The following SOD2 variants were observed in gnomAD, a reference collection of about 807,000 sequenced individuals.
SOD2 encodes superoxide dismutase 2.
A neutral mutation model predicts 27.0 loss-of-function variants in SOD2; 11 were observed. That is an observed-to-expected ratio of 0.41 (90% CI 0.26 to 0.67). The LOEUF is 0.67. Ranked by LOEUF, SOD2 falls within the 30% of genes least tolerant of loss-of-function variation. The pLI, the probability that SOD2 is intolerant of heterozygous loss-of-function variation, is 0.34. For missense variants in SOD2, 250 were observed against 274.5 expected (o/e 0.91, Z 0.63); for synonymous variants, 105 against 103.0 (o/e 1.02, Z -0.12).
upstream of SOD2, among the ~76,000 whole-genome samples, chr6:159,729,099 A>G (rs1016717847): frequency 2.6e-4 from 40 of 152,222 alleles, no homozygotes; most frequent in Non-Finnish European, 5.6e-4. Context: ...AAGCCCTGTG[A>G]TGTGGAGATG....
chr6:159,733,579 A>C (rs1778720933), intron 1 of SOD2, among the ~76,000 whole-genome samples: 1 of 150,968 alleles, frequency 6.6e-6, no homozygotes, highest in South Asian at 2.1e-4. Context: ...CCATCATCGC[A>C]CCACTGCACT....
upstream of SOD2, chr6:159,727,585 C>G (rs1324646425): frequency 5.1e-6 from 5 of 986,692 alleles, no homozygotes; most frequent in Non-Finnish European, 6.0e-6. Flanking sequence ...AGGAGCGCGG[C>G]GGGGCCGGCG....
upstream of SOD2, among the ~76,000 whole-genome samples, chr6:159,745,689 G>A (rs549109681): frequency 6.6e-6 from 1 of 152,284 alleles, no homozygotes; most frequent in Admixed American, 6.5e-5. Flanking sequence ...AGCAAGAGAT[G>A]TATGTGATGG....
rs1313600146 is a variant in SOD2 at position 159,672,566 on chromosome 6, C to G, written c.*9927G>C. The G allele has an allele frequency of 5.3e-5, 8 of 152,300 alleles. No individual in the cohort carries two copies. The East Asian group carries it at 9.6e-4, about 18-fold the overall frequency. The allele number at this position is 152,300 out of a possible 1,614,324, so 9.4% of individuals were successfully genotyped here. Reference sequence around the variant, plus strand: ...CTGAGAGATTTTGTCACCACCAGGCCTGCCTTACAAGAGCTCCTGAAGGAA... The same window carrying G: ...CTGAGAGATTTTGTCACCACCAGGCGTGCCTTACAAGAGCTCCTGAAGGAA... On this transcript the variant is annotated 3_prime_UTR_variant, in exon 5 of 5. Transcript: ENST00000538183.
At chr6:159,756,405 T>A (rs1368625860) in intron 1 of SOD2, 1 of 152,454 alleles carries the variant, frequency 6.6e-6, no homozygotes, top group Non-Finnish European at 1.5e-5. Context: ...ATCCTTCAAG[T>A]ACCACAACAG....
At chr6:159,740,226 G>A (rs942228152) in intron 1 of SOD2, among the ~76,000 whole-genome samples, 1 of 151,880 alleles carries the variant, frequency 6.6e-6, no homozygotes, top group African/African-American at 2.4e-5. Context: ...AGTCTGTGCA[G>A]TCATTTTTTT....
intron 1 of SOD2, chr6:159,713,431 G>C: frequency 3.1e-6 from 2 of 649,860 alleles, no homozygotes. Context: ...ATGAACTTCA[G>C]CTTGGCTATT....
intron 1 of SOD2, among the ~76,000 whole-genome samples, chr6:159,706,874 C>G (rs1445701576): frequency 6.6e-6 from 1 of 152,178 alleles, no homozygotes; most frequent in East Asian, 1.9e-4. Flanking sequence ...GGAAGTAAAG[C>G]ACTCCTCAGC....
intron 1 of SOD2, among the ~76,000 whole-genome samples, chr6:159,704,741 C>A (rs1253923282): frequency 6.6e-6 from 1 of 152,234 alleles, no homozygotes; most frequent in South Asian, 2.1e-4. Flanking sequence ...CCTCTGCAGA[C>A]TTAAATGTCC....
chr6:159,757,038 ATAT>A (rs758545238), intron 1 of SOD2, among the ~76,000 whole-genome samples: 6 of 152,202 alleles, frequency 3.9e-5, no homozygotes, highest in South Asian at 2.1e-4. Context: ...ATATCTGGTA[ATAT>A]TATATGAGTA....
chr6:159,715,396 T>C (rs545167979), intron 1 of SOD2, among the ~76,000 whole-genome samples: 3 of 152,250 alleles, frequency 2.0e-5, no homozygotes, highest in South Asian at 4.1e-4. Context: ...GGCAGAAGAA[T>C]GGATTTACAG....
Position 159,669,957 on chromosome 6 carries a change from T to C in SOD2, c.*12536A>G, listed in dbSNP as rs1183791047. The C allele has an allele frequency of 6.6e-6, 1 of 152,224 alleles. No homozygotes were observed. Among genetic ancestry groups the C allele is most frequent in the Non-Finnish European group, 1.5e-5 (1 of 68,040 alleles). 9.4% of individuals were successfully genotyped at this position (152,224 alleles called of 1,614,324 possible). A position where few individuals can be genotyped will look rare whatever the true frequency, so the allele number is the denominator to read the frequency against. On this transcript the variant is annotated 3_prime_UTR_variant, in exon 5 of 5. Coordinates refer to ENST00000538183, the MANE Select transcript of SOD2 (RefSeq NM_000636.4). The stretch of plus-strand genomic sequence containing the variant: ...TTTAATCCATTTACATTCAAAGTTA[T>C]CATCAATAGAGGTGCAGACTTTTTA...
intron 1 of SOD2, among the ~76,000 whole-genome samples, chr6:159,710,829 T>A (rs928676594): frequency 1.4e-5 from 2 of 146,242 alleles, no homozygotes; most frequent in African/African-American, 5.1e-5. Flanking sequence ...ACCACTCACA[T>A]TGCTCTGATC....
At chr6:159,703,281 T>C (rs1464438119) in intron 1 of SOD2, among the ~76,000 whole-genome samples, 6 of 152,212 alleles carry the variant, frequency 3.9e-5, no homozygotes, top group African/African-American at 1.2e-4. Flanking sequence ...GCCATTGCAC[T>C]CCAGCCTGGG....
At position 159,676,738 on chromosome 6, in the gene SOD2, G is replaced by A. The variant is rs1779789509; in HGVS notation, c.*5755C>T. 1 of 152,080 alleles carries A rather than the reference G, an allele frequency of 6.6e-6. No homozygotes were observed. The allele number at this position is 152,080 out of a possible 1,614,324, so 9.4% of individuals were successfully genotyped here. On this transcript the variant is annotated 3_prime_UTR_variant, in exon 5 of 5. Transcript: ENST00000538183. The stretch of plus-strand genomic sequence containing the variant: ...GTACACATGTACCCTAGAACTTAAA[G>A]TATAATTTAAAAATAAATAAGTAAA...
chr6:159,740,221 G>T (rs1414340013), intron 1 of SOD2, among the ~76,000 whole-genome samples: 5 of 151,828 alleles, frequency 3.3e-5, no homozygotes, highest in Admixed American at 3.3e-4. Context: ...TGGTTAGTCT[G>T]TGCAGTCATT....
chr6:159,708,424 C>G (rs1777668442), intron 1 of SOD2, among the ~76,000 whole-genome samples: 1 of 152,214 alleles, frequency 6.6e-6, no homozygotes, highest in Admixed American at 6.5e-5. Flanking sequence ...GGCAAAGTCT[C>G]AGGATACAAA....
At position 159,692,710 on chromosome 6, in the gene SOD2, C is replaced by T. The variant is rs749865952; in HGVS notation, c.177G>A (p.Val59=). The change falls in exon 2 of 5, where the codon GTG becomes GTA. Residue 59 remains valine (V), a synonymous_variant. Coordinates refer to ENST00000538183, the MANE Select transcript of SOD2 (RefSeq NM_000636.4). ...TCTCCTCGGTGACGTTCAGGTTGTT[C>T]ACGTAGGCCGCGTGGTGCTTGCTGT... ...LHHSKHHAAY[V]NNLNVTEEKY... The T allele has an allele frequency of 2.5e-6, 4 of 1,614,010 alleles. No homozygotes were observed. The African/African-American group carries it at 4.0e-5, about 16-fold the overall frequency.
intron 1 of SOD2, chr6:159,726,750 C>G: frequency 2.3e-6 from 3 of 1,282,506 alleles, no homozygotes; most frequent in Non-Finnish European, 3.0e-6. Flanking sequence ...CTCCTCGATG[C>G]GTCTCCAGAG....
Sources: allele counts gnomAD v4.1 joint callset (sites outside exome capture counted in the v4.1 genomes callset), GRCh38; gene constraint gnomAD v4.1.1; transcripts MANE v1.5; gene names NCBI Gene and HGNC (gene_info 2026-07-23, HGNC 2026-07-21).